ADGRG7: variants seen among roughly 807,000 people sequenced by gnomAD.
ADGRG7 encodes G-protein coupled receptor 128.
A neutral mutation model predicts 88.6 loss-of-function variants in ADGRG7; 82 were observed. The observed-to-expected ratio is 0.93, with a 90% CI of 0.77 to 1.11. The LOEUF (loss-of-function observed/expected upper bound fraction) is 1.11, where lower values mean the gene tolerates loss of function less well. Ranked by LOEUF, ADGRG7 falls within the 50% of genes most tolerant of loss-of-function variation. The probability of loss-of-function intolerance (pLI) is 0.00; values close to 1 mark genes in which losing one functional copy is unlikely to be tolerated. For synonymous variants in ADGRG7, 381 were observed against 345.2 expected, an observed-to-expected ratio of 1.10 and a Z score of -1.15; for missense variants, 945 against 953.4, an observed-to-expected ratio of 0.99 and a Z score of 0.12.
At chr3:100,629,756 C>T (rs548034299) in intron 2 of ADGRG7, 45 bp downstream of exon 2, 1 of 1,271,874 alleles carries the variant, frequency 7.9e-7, no homozygotes, top group African/African-American at 1.5e-5. Flanking sequence ...TTACGTCACT[C>T]TTGTGTTAAT....
At chr3:100,660,808 C>T (rs1044555415) in intron 14 of ADGRG7, among the ~76,000 whole-genome samples, 3 of 151,738 alleles carry the variant, frequency 2.0e-5, no homozygotes, top group East Asian at 2.0e-4. Context: ...CAAAATTAGC[C>T]GGGTGTGGTG....
At chr3:100,624,273 A>C (rs530387191) in intron 1 of ADGRG7, among the ~76,000 whole-genome samples, 1 of 152,212 alleles carries the variant, frequency 6.6e-6, no homozygotes, top group South Asian at 2.1e-4. Flanking sequence ...TTTGATTTGC[A>C]TTTCTGTAAT....
intron 1 of ADGRG7, among the ~76,000 whole-genome samples, chr3:100,612,800 C>T (rs1429327314): frequency 6.6e-6 from 1 of 152,202 alleles, no homozygotes; most frequent in Non-Finnish European, 1.5e-5. Flanking sequence ...CAGGATACAC[C>T]TGTTCTTCAG....
At chr3:100,648,795 TA>T (rs11334354) in intron 10 of ADGRG7, among the ~76,000 whole-genome samples, 39,492 of 151,768 alleles carry the variant, frequency 0.26, 5,823 homozygotes, top group Non-Finnish European at 0.34. Context: ...TTTAACAACT[TA>T]AAAAAATCAG....
intron 6 of ADGRG7, among the ~76,000 whole-genome samples, chr3:100,642,867 G>T (rs1159195484): frequency 6.6e-6 from 1 of 152,210 alleles, no homozygotes; most frequent in African/African-American, 2.4e-5. Context: ...TGGGTGAGAG[G>T]AAGAAGATGA....
chr3:100,638,659 C>T (rs992818097), intron 6 of ADGRG7, among the ~76,000 whole-genome samples: 7 of 152,090 alleles, frequency 4.6e-5, no homozygotes, highest in Non-Finnish European at 7.3e-5. Context: ...CCCTGGGATC[C>T]ACCCTTGTCT....
intron 1 of ADGRG7, among the ~76,000 whole-genome samples, chr3:100,617,363 C>T (rs1707240124): frequency 1.3e-5 from 2 of 149,528 alleles, no homozygotes; most frequent in African/African-American, 2.5e-5. Context: ...AATGCTATCC[C>T]TTCCCCTCCC....
intron 1 of ADGRG7, among the ~76,000 whole-genome samples, chr3:100,617,974 G>A (rs1707249605): frequency 1.3e-5 from 2 of 152,202 alleles, no homozygotes; most frequent in African/African-American, 4.8e-5. Flanking sequence ...CAGTGATGAT[G>A]AGCATTTTTT....
chr3:100,610,027 C>T (rs1707124500), intron 1 of ADGRG7, 56 bp downstream of exon 1: 3 of 1,387,000 alleles, frequency 2.2e-6, no homozygotes, highest in Non-Finnish European at 3.1e-6. Flanking sequence ...GGACCTCTGT[C>T]CCTGCCACCT....
chr3:100,634,981 G>A (rs1390103374), intron 4 of ADGRG7, among the ~76,000 whole-genome samples: 2 of 149,672 alleles, frequency 1.3e-5, no homozygotes. Context: ...AAATGATGCT[G>A]CCATCTAGTG....
rs186777331 is a variant in ADGRG7, at chr3:100,661,538, G to T, written c.1979+1695G>T. 1.5e-4 allele frequency among the ~76,000 whole-genome samples: 23 copies of T among 152,210 alleles called. No individual in the cohort carries two copies. In the East Asian group the frequency reaches 1.5e-3, roughly 10 times the overall value. On this transcript the variant is annotated intron_variant, in intron 14 of 15. Coordinates refer to ENST00000273352, the MANE Select transcript of ADGRG7 (RefSeq NM_032787.3). ...GCTTAAGAAATTGTGCCAGTTGTTG[G>T]TTTTTTTAAATGATGACAGAGAACT...
chr3:100,646,747 C>A, intron 10 of ADGRG7, 23 bp downstream of exon 10: 1 of 1,594,296 alleles, frequency 6.3e-7, no homozygotes, highest in East Asian at 2.2e-5. Flanking sequence ...ATAGCAATCT[C>A]TTTCCAGATG....
intron 1 of ADGRG7, among the ~76,000 whole-genome samples, chr3:100,620,650 A>G (rs1187313547): frequency 1.3e-5 from 2 of 152,214 alleles, no homozygotes; most frequent in Non-Finnish European, 2.9e-5. Context: ...ACCTTATCAA[A>G]CTGACAATCA....
At position 100,695,230 on chromosome 3, in the gene ADGRG7, A is replaced by G; in HGVS notation, c.*229A>G. On this transcript the variant is annotated 3_prime_UTR_variant, in exon 16 of 16. Transcript: ENST00000273352. Reference sequence around the variant, plus strand: ...TAAGGTGAAGAATTTCACACAACATACAAGAGTACCATTGTTCCTTATATC... The same window carrying G: ...TAAGGTGAAGAATTTCACACAACATGCAAGAGTACCATTGTTCCTTATATC... 1 of 498,582 alleles carries G rather than the reference A, an allele frequency of 2.0e-6. No individual in the cohort carries two copies. Among genetic ancestry groups the G allele is most frequent in the Non-Finnish European group, 3.5e-6 (1 of 283,148 alleles). 30.9% of individuals were successfully genotyped at this position (498,582 alleles called of 1,614,324 possible).
In ADGRG7 at chr3:100,666,021, C is replaced by A. The variant is rs2094951256; in HGVS notation, c.1980-2928C>A. Among the ~76,000 whole-genome samples, 6 of 150,778 alleles carry A rather than the reference C, an allele frequency of 4.0e-5. No individual in the cohort carries two copies. The South Asian group carries it at 1.3e-3, about 32-fold the overall frequency. On this transcript the variant is annotated intron_variant, in intron 14 of 15. Coordinates refer to ENST00000273352, the MANE Select transcript of ADGRG7 (RefSeq NM_032787.3). ...GGCTGGGTAGTTCTGTCTTGACGGGCTTGGATGCTTATTAATGATCAAGGA... is the reference window on the plus strand; with the variant it reads ...GGCTGGGTAGTTCTGTCTTGACGGGATTGGATGCTTATTAATGATCAAGGA...
chr3:100,611,894 T>C (rs562331210), intron 1 of ADGRG7, among the ~76,000 whole-genome samples: 1 of 152,362 alleles, frequency 6.6e-6, no homozygotes. Flanking sequence ...TTTTATCCTA[T>C]CCCATCCCAT....
chr3:100,660,577 T>C (rs1285888753), intron 14 of ADGRG7, among the ~76,000 whole-genome samples: 1 of 152,044 alleles, frequency 6.6e-6, no homozygotes, highest in Non-Finnish European at 1.5e-5. Context: ...AGTGCTGAGA[T>C]TACAGGCATG....
intron 11 of ADGRG7, among the ~76,000 whole-genome samples, chr3:100,653,829 C>T (rs2094933505): frequency 6.6e-6 from 1 of 151,720 alleles, no homozygotes; most frequent in Non-Finnish European, 1.5e-5. Flanking sequence ...GGGCTTTTTA[C>T]ACAGTGGCTC....
intron 15 of ADGRG7, among the ~76,000 whole-genome samples, chr3:100,693,825 A>G (rs1474663892): frequency 6.6e-6 from 1 of 152,230 alleles, no homozygotes; most frequent in Admixed American, 6.5e-5. Flanking sequence ...CAACTTAACT[A>G]CAGATGCTAT....
Sources: allele counts gnomAD v4.1 joint callset (sites outside exome capture counted in the v4.1 genomes callset), GRCh38; gene constraint gnomAD v4.1.1; transcripts MANE v1.5; gene names NCBI Gene and HGNC (gene_info 2026-07-23, HGNC 2026-07-21).